Variants in FSTL5 observed in about 807,000 individuals in gnomAD.
The protein encoded by FSTL5 is follistatin-related protein 5.
In FSTL5, 62 loss-of-function variants were observed where a neutral mutation model predicts 89.1. The observed-to-expected ratio is 0.70, with a 90% CI of 0.57 to 0.86. The LOEUF (loss-of-function observed/expected upper bound fraction) is 0.86, where lower values mean the gene tolerates loss of function less well. Ranked by LOEUF, FSTL5 falls within the 40% of genes least tolerant of loss-of-function variation. The pLI is 0.00. For missense variants in FSTL5, 1,057 were observed against 1,001.6 expected (o/e 1.06, Z -0.75); for synonymous variants, 383 against 346.2 (o/e 1.11, Z -1.18).
chr4:161,611,226 G>GTATATATATATA (rs1458618658), intron 7 of FSTL5, among the ~76,000 whole-genome samples: 2 of 92,048 alleles, frequency 2.2e-5, no homozygotes, highest in Admixed American at 1.5e-4. Context: ...GTGTGTATGT[G>GTATATATATATA]TATACATATA....
intron 4 of FSTL5, among the ~76,000 whole-genome samples, chr4:161,826,005 G>A (rs1296208412): frequency 6.6e-6 from 1 of 151,950 alleles, no homozygotes; most frequent in Non-Finnish European, 1.5e-5. Flanking sequence ...ACTTTTTGAT[G>A]TATGCATTTA....
At chr4:161,419,644 T>C (rs960967245) in intron 15 of FSTL5, among the ~76,000 whole-genome samples, 1 of 152,074 alleles carries the variant, frequency 6.6e-6, no homozygotes, top group Non-Finnish European at 1.5e-5. Flanking sequence ...TTCTATCACA[T>C]CTCTGGTCAA....
rs376626589 is a variant in FSTL5, at chr4:161,844,791, G to A, written c.410-68717C>T. On this transcript the variant is annotated intron_variant, in intron 4 of 15. Transcript: ENST00000306100. ...AACATCACACACTGGGGCCTGTCGG[G>A]GGCTTGGGGAAGGATAGCGTTAGGA... Among the ~76,000 whole-genome samples, 34 of 152,132 alleles carry A rather than the reference G, an allele frequency of 2.2e-4. 1 individual carries two copies. In the East Asian group the frequency reaches 4.3e-3, roughly 19 times the overall value.
chr4:161,961,996 A>G (rs1467279603), intron 3 of FSTL5, among the ~76,000 whole-genome samples: 2 of 151,922 alleles, frequency 1.3e-5, no homozygotes, highest in African/African-American at 4.8e-5. Context: ...ATGCAAATAT[A>G]TTATGTGTTG....
intron 4 of FSTL5, among the ~76,000 whole-genome samples, chr4:161,890,960 A>G (rs1307090720): frequency 6.6e-6 from 1 of 152,110 alleles, no homozygotes; most frequent in East Asian, 1.9e-4. Context: ...AAAGGCACTG[A>G]TATTACTGAG....
chr4:161,571,583 C>A (rs1247179587), intron 8 of FSTL5, among the ~76,000 whole-genome samples: 1 of 152,126 alleles, frequency 6.6e-6, no homozygotes, highest in African/African-American at 2.4e-5. Flanking sequence ...TAACAAAAAA[C>A]TGAATACTGC....
At chr4:161,798,820 T>C (rs1430773945) in intron 4 of FSTL5, among the ~76,000 whole-genome samples, 1 of 151,730 alleles carries the variant, frequency 6.6e-6, no homozygotes, top group East Asian at 1.9e-4. Context: ...GTGTTTTGTT[T>C]TAATAATCTG....
At chr4:161,608,110 T>C (rs978242921) in intron 7 of FSTL5, among the ~76,000 whole-genome samples, 2 of 152,122 alleles carry the variant, frequency 1.3e-5, no homozygotes, top group African/African-American at 2.4e-5. Flanking sequence ...CAATGGGAAT[T>C]AAAACATCTG....
intron 15 of FSTL5, among the ~76,000 whole-genome samples, chr4:161,452,248 G>T (rs1733191620): frequency 1.3e-5 from 2 of 152,106 alleles, no homozygotes; most frequent in Admixed American, 1.3e-4. Context: ...GGCCAAGGTG[G>T]GTGGATCACC....
chr4:161,546,876 T>C (rs747483816), intron 8 of FSTL5, among the ~76,000 whole-genome samples: 2 of 151,998 alleles, frequency 1.3e-5, no homozygotes, highest in African/African-American at 2.4e-5. Context: ...ACTCCTGTCT[T>C]CCAAAGATAG....
At chr4:161,816,401 A>G (rs1032428103) in intron 4 of FSTL5, among the ~76,000 whole-genome samples, 1 of 152,182 alleles carries the variant, frequency 6.6e-6, no homozygotes, top group Admixed American at 6.5e-5. Flanking sequence ...TCATAGTTTT[A>G]TATCTTCGTG....
At chr4:161,451,164 C>G (rs1025765741) in intron 15 of FSTL5, among the ~76,000 whole-genome samples, 1 of 150,888 alleles carries the variant, frequency 6.6e-6, no homozygotes, top group Non-Finnish European at 1.5e-5. Flanking sequence ...TATGTCATTC[C>G]AAAATATACT....
intron 6 of FSTL5, among the ~76,000 whole-genome samples, chr4:161,741,256 C>A (rs1018036084): frequency 2.0e-5 from 3 of 152,116 alleles, no homozygotes; most frequent in Non-Finnish European, 4.4e-5. Context: ...AATTAACTGA[C>A]CTTCAGATGG....
intron 12 of FSTL5, among the ~76,000 whole-genome samples, chr4:161,482,131 T>C (rs1729531038): frequency 6.6e-6 from 1 of 151,942 alleles, no homozygotes; most frequent in South Asian, 2.1e-4. Flanking sequence ...CTGGCTAACA[T>C]GGTGAAAACC....
chr4:161,726,166 T>C (rs1376336340), intron 6 of FSTL5, among the ~76,000 whole-genome samples: 12 of 151,980 alleles, frequency 7.9e-5, no homozygotes, highest in Admixed American at 7.9e-4. Context: ...TGAAACGTGT[T>C]GATGTGAGGA....
At chr4:162,140,852 G>C (rs1055702391) in intron 1 of FSTL5, among the ~76,000 whole-genome samples, 8 of 152,114 alleles carry the variant, frequency 5.3e-5, no homozygotes, top group Non-Finnish European at 1.0e-4. Context: ...AGAAAGAAAG[G>C]AGGTTAATAT....
At chr4:161,642,755 A>G (rs556438014) in intron 7 of FSTL5, among the ~76,000 whole-genome samples, 25 of 152,294 alleles carry the variant, frequency 1.6e-4, no homozygotes, top group African/African-American at 5.5e-4. Flanking sequence ...AGTATGCAAA[A>G]TCAGACAGAA....
chr4:161,697,518 T>C (rs1738211019), intron 6 of FSTL5, among the ~76,000 whole-genome samples: 1 of 152,232 alleles, frequency 6.6e-6, no homozygotes, highest in African/African-American at 2.4e-5. Flanking sequence ...ATATATGCAT[T>C]ATGGAATAAC....
At chr4:161,572,104 G>GT (rs1428664294) in intron 8 of FSTL5, among the ~76,000 whole-genome samples, 1 of 151,898 alleles carries the variant, frequency 6.6e-6, no homozygotes, top group East Asian at 1.9e-4. Context: ...GGGGTCAGGA[G>GT]TTCAAGACCA....
Sources: gnomAD v4.1 joint callset for allele counts (sites outside exome capture counted in the v4.1 genomes callset) on GRCh38, gnomAD v4.1.1 for gene constraint, MANE v1.5 for transcripts, NCBI Gene and HGNC (gene_info 2026-07-23, HGNC 2026-07-21) for gene names.